Variants in YIPF5 observed in about 807,000 individuals in gnomAD.
YIPF5 encodes the protein protein YIPF5.
A neutral mutation model predicts 30.4 loss-of-function variants in YIPF5; 8 were observed. The ratio of observed to expected loss-of-function variants is 0.26; its 90% CI spans 0.15 to 0.47. YIPF5 has a LOEUF of 0.47. Among genes scored for constraint, YIPF5 ranks in the 20% least tolerant of loss-of-function variants. YIPF5 has a pLI of 0.99. For synonymous variants in YIPF5, 104 were observed against 107.9 expected, an observed-to-expected ratio of 0.96 and a Z score of 0.23; for missense variants, 282 against 301.8, an observed-to-expected ratio of 0.93 and a Z score of 0.49.
chr5:144,169,856 G>A lies in YIPF5; in HGVS notation c.100C>T (p.Pro34Ser), dbSNP rs565761736. Residue 34 changes from proline to serine, a missense_variant, in exon 2 of 6, where the codon CCC becomes TCC. Physicochemically the swap from Pro to Ser is moderately conservative, Grantham distance 74. Coordinates refer to ENST00000274496, the MANE Select transcript of YIPF5 (RefSeq NM_030799.9). ...AAGATGAAAAGTTACTTGCTATAGG[G>A]TCCTCCACTTCCTCCATAATCATAG... ...QSYDYGGSGG[P>S]YSKQYAGYDY... is the part of the protein sequence containing the mutation. 1.2e-6 allele frequency: 2 copies of A among 1,613,640 alleles called. No individual in the cohort carries two copies. Among genetic ancestry groups the A allele is most frequent in the Non-Finnish European group, 1.7e-6 (2 of 1,179,570 alleles).
In YIPF5 at chr5:144,160,273, T is replaced by A; in HGVS notation, c.*124A>T. The A allele has an allele frequency of 6.7e-7, 1 of 1,495,474 alleles. No homozygotes were observed. Among genetic ancestry groups the A allele is most frequent in the Non-Finnish European group, 8.9e-7 (1 of 1,123,860 alleles). The allele number at this position is 1,495,474 out of a possible 1,614,324, so 92.6% of individuals were successfully genotyped here. On this transcript the variant is annotated 3_prime_UTR_variant, in exon 6 of 6. Transcript: ENST00000274496. The stretch of plus-strand genomic sequence containing the variant: ...ACAAGAGATACACGTTTACTTTCAT[T>A]GCTCCAACAGTCAAATGTAAATCTG...
At chr5:144,161,735 C>T (rs374830789) in intron 5 of YIPF5, among the ~76,000 whole-genome samples, 5 of 152,138 alleles carry the variant, frequency 3.3e-5, no homozygotes, top group South Asian at 2.1e-4. Context: ...TGAGAAACAC[C>T]GCAGGCTGAT....
Position 144,160,380 on chromosome 5 carries a change from A to G in YIPF5, c.*17T>C, listed in dbSNP as rs1039922257. The G allele has an allele frequency of 6.2e-7, 1 of 1,609,672 alleles. No individual in the cohort carries two copies. On this transcript the variant is annotated 3_prime_UTR_variant, in exon 6 of 6. Transcript: ENST00000274496. ...TTGTACATCTGGCCCACTGATGTCC[A>G]CATCCCAGATAAATTTTCAAAAGAC...
Position 144,165,473 on chromosome 5 carries a change from A to C in YIPF5, c.242T>G (p.Phe81Cys). ...CTCATCCTCAAAGTTGTTTCCATAG[A>C]AAGGCTGAGGTGAAGCTGGAGTATA... ...QAYTPASPQP[F>C]YGNNFEDEPP... Residue 81 changes from phenylalanine (F) to cysteine (C), a missense_variant, in exon 3 of 6, where the codon TTC becomes TGC. Phe to Cys is a radical substitution (Grantham distance 205). Transcript: ENST00000274496. The C allele has an allele frequency of 3.7e-6, 6 of 1,614,142 alleles. No individual in the cohort carries two copies. The highest frequency in any genetic ancestry group is 5.1e-6 in the Non-Finnish European group (6 of 1,180,002).
chr5:144,160,100 A>T lies in YIPF5; in HGVS notation c.*297T>A. 9.4e-7 allele frequency: 1 copy of T among 1,062,950 alleles called. No homozygotes were observed. Among genetic ancestry groups the T allele is most frequent in the Non-Finnish European group, 1.1e-6 (1 of 881,318 alleles). The allele number at this position is 1,062,950 out of a possible 1,614,324, so 65.8% of individuals were successfully genotyped here. The stretch of plus-strand genomic sequence containing the variant: ...CCACAGTTGATAAAAATCTATCAAA[A>T]ACATTATAATTTGCAAGGAAAAAGG... On this transcript the variant is annotated 3_prime_UTR_variant, in exon 6 of 6. Transcript: ENST00000274496.
chr5:144,164,855 T>C (rs1752158171), intron 3 of YIPF5, among the ~76,000 whole-genome samples: 2 of 152,148 alleles, frequency 1.3e-5, no homozygotes, highest in African/African-American at 2.4e-5. Context: ...TAGCAAAGAA[T>C]ATACAAAAAG....
intron 5 of YIPF5, 22 bp from the exon 6 acceptor site, chr5:144,160,581 G>A (rs773579131): frequency 1.8e-5 from 29 of 1,586,076 alleles, no homozygotes; most frequent in Non-Finnish European, 2.5e-5. Flanking sequence ...AAGGAAAAAG[G>A]GGGGAGAAGA....
intron 2 of YIPF5, among the ~76,000 whole-genome samples, chr5:144,169,608 CT>C (rs1752304167): frequency 6.6e-6 from 1 of 152,206 alleles, no homozygotes; most frequent in African/African-American, 2.4e-5. Context: ...AAACAAGCTA[CT>C]TTTCCATTCA....
At chr5:144,164,574 C>CT (rs11327407) in intron 3 of YIPF5, among the ~76,000 whole-genome samples, 175 of 144,008 alleles carry the variant, frequency 1.2e-3, no homozygotes, top group Non-Finnish European at 1.4e-3. Context: ...TTCTTTCTTT[C>CT]TTTTTTTTTT....
In YIPF5 at chr5:144,159,852, G is replaced by A. The variant is rs1352371135; in HGVS notation, c.*545C>T. On this transcript the variant is annotated 3_prime_UTR_variant, in exon 6 of 6. Coordinates refer to ENST00000274496, the MANE Select transcript of YIPF5 (RefSeq NM_030799.9). ...CTCCTGAGTAGCTGGGACTACAGGC[G>A]CCCGCCACCACGCCCAGCTAATTTT... 1.3e-5 allele frequency: 7 copies of A among 539,678 alleles called. No homozygotes were observed. Among genetic ancestry groups the A allele is most frequent in the East Asian group, 1.5e-4 (1 of 6,702 alleles). 33.4% of individuals were successfully genotyped at this position (539,678 alleles called of 1,614,324 possible). A position where few individuals can be genotyped will look rare whatever the true frequency, so the allele number is the denominator to read the frequency against.
chr5:144,167,484 C>T lies in YIPF5; in HGVS notation c.111-1880G>A, dbSNP rs78317315. 4.6e-3 allele frequency among the ~76,000 whole-genome samples: 696 copies of T among 152,050 alleles called. 4 individuals carry two copies. Among genetic ancestry groups the T allele is most frequent in the Middle Eastern group, 0.031 (9 of 294 alleles). On this transcript the variant is annotated intron_variant, in intron 2 of 5. Transcript: ENST00000274496. ...CCTCAGATATTCCATAAAGATACTA[C>T]CAGGTAAGTCAAAGAAGAAAAAAAA...
chr5:144,169,279 G>A (rs1456307253), intron 2 of YIPF5, among the ~76,000 whole-genome samples: 2 of 152,152 alleles, frequency 1.3e-5, no homozygotes, highest in African/African-American at 4.8e-5. Context: ...ACGGCTTTGA[G>A]TCAACCTCCT....
At position 144,159,721 on chromosome 5, in the gene YIPF5, T is replaced by TC; in HGVS notation, c.*675_*676insG. 1 of 939,570 alleles carries TC rather than the reference T, an allele frequency of 1.1e-6. No homozygotes were observed. The highest frequency in any genetic ancestry group is 4.9e-5 in the South Asian group (1 of 20,320). The allele number at this position is 939,570 out of a possible 1,614,324, so 58.2% of individuals were successfully genotyped here. A position where few individuals can be genotyped will look rare whatever the true frequency, so the allele number is the denominator to read the frequency against. On this transcript the variant is annotated 3_prime_UTR_variant, in exon 6 of 6. Coordinates refer to ENST00000274496, the MANE Select transcript of YIPF5 (RefSeq NM_030799.9). ...CTTGTGTCTCCTTTTTTTTTTTTTT[T>TC]TGAGACAGAGTCTCACCCTGTCACC...
At chr5:144,166,186 A>G (rs1254500616) in intron 2 of YIPF5, among the ~76,000 whole-genome samples, 1 of 152,250 alleles carries the variant, frequency 6.6e-6, no homozygotes, top group Non-Finnish European at 1.5e-5. Context: ...CACTTGCTGA[A>G]TGTAACAAAA....
In YIPF5 at chr5:144,165,620, A is replaced by C; in HGVS notation, c.111-16T>G. On this transcript the variant is annotated splice_polypyrimidine_tract_variant and intron_variant, in intron 2 of 5. Coordinates refer to ENST00000274496, the MANE Select transcript of YIPF5 (RefSeq NM_030799.9). ...AGCATACTGTCTATAAATGAAAGAA[A>C]GTTAAATTTTTCAGAGGTATTTCAA... 1.2e-6 allele frequency: 2 copies of C among 1,612,760 alleles called. No individual in the cohort carries two copies. The highest frequency in any genetic ancestry group is 1.7e-6 in the Non-Finnish European group (2 of 1,178,970).
chr5:144,165,670 A>G, intron 2 of YIPF5, 66 bp from the exon 3 acceptor site: 1 of 1,478,924 alleles, frequency 6.8e-7, no homozygotes, highest in Non-Finnish European at 9.1e-7. Flanking sequence ...TATCCCTTAA[A>G]TTCCTAAATT....
At chr5:144,167,983 TAAATCTCA>T (rs1360615317) in intron 2 of YIPF5, among the ~76,000 whole-genome samples, 5 of 152,172 alleles carry the variant, frequency 3.3e-5, no homozygotes, top group African/African-American at 7.2e-5. Context: ...TTTTACAAAA[TAAATCTCA>T]GAAACTCAAA....
rs767029968 is a variant in YIPF5 at position 144,160,579 on chromosome 5, AG to A, written c.612-21del. 2 of 1,587,004 alleles carry A rather than the reference AG, an allele frequency of 1.3e-6. No homozygotes were observed. Among genetic ancestry groups the A allele is most frequent in the South Asian group, 2.3e-5 (2 of 87,490 alleles). ...ATTCCTCTGTAAACAACAAGGAAAAAGGGGGGAGAAGAAAAAAAAGCAGATG... is the reference window on the plus strand; with the variant it reads ...ATTCCTCTGTAAACAACAAGGAAAAAGGGGGAGAAGAAAAAAAAGCAGATG... On this transcript the variant is annotated intron_variant, in intron 5 of 5. Transcript: ENST00000274496.
chr5:144,158,408 T>A lies in YIPF5; in HGVS notation c.*1989A>T. 1 of 1,245,962 alleles carries A rather than the reference T, an allele frequency of 8.0e-7. No individual in the cohort carries two copies. Among genetic ancestry groups the A allele is most frequent in the Non-Finnish European group, 1.0e-6 (1 of 966,000 alleles). 77.2% of individuals were successfully genotyped at this position (1,245,962 alleles called of 1,614,324 possible). A position where few individuals can be genotyped will look rare whatever the true frequency, so the allele number is the denominator to read the frequency against. ...AAAAAATCTCTACAATAATTTAAAC[T>A]AAAAATGTTGTTGAGGATAGGGTAA... is the stretch of plus-strand genomic sequence containing the variant. On this transcript the variant is annotated 3_prime_UTR_variant, in exon 6 of 6. Transcript: ENST00000274496.
Sources: allele counts gnomAD v4.1 joint callset (sites outside exome capture counted in the v4.1 genomes callset), GRCh38; gene constraint gnomAD v4.1.1; transcripts MANE v1.5; gene names NCBI Gene and HGNC (gene_info 2026-07-23, HGNC 2026-07-21).